Variants in LRPPRC observed in about 807,000 individuals in gnomAD.
The protein encoded by LRPPRC is leucine rich pentatricopeptide repeat containing, also known as leucine-rich PPR motif-containing protein, mitochondrial.
LRPPRC carries 120 observed loss-of-function variants against 180.3 expected under a neutral mutation model. The ratio of observed to expected loss-of-function variants is 0.67; its 90% confidence interval spans 0.57 to 0.77. LRPPRC has a LOEUF of 0.77. Ranked by LOEUF, LRPPRC falls within the 30% of genes least tolerant of loss-of-function variation. The pLI is 0.00. For synonymous variants in LRPPRC, 723 were observed against 600.0 expected, an observed-to-expected ratio of 1.21 and a Z score of -3.00; for missense variants, 2,012 against 1,657.2, an observed-to-expected ratio of 1.21 and a Z score of -3.72.
chr2:43,953,588 C>T (rs1398797536), intron 14 of LRPPRC, among the ~76,000 whole-genome samples: 1 of 151,980 alleles, frequency 6.6e-6, no homozygotes, highest in Admixed American at 6.6e-5. Flanking sequence ...ACCCAGGAAT[C>T]AATTAAAAAT....
At chr2:43,972,414 G>C (rs1572564524) in intron 11 of LRPPRC, among the ~76,000 whole-genome samples, 1 of 152,154 alleles carries the variant, frequency 6.6e-6, no homozygotes, top group Non-Finnish European at 1.5e-5. Context: ...ACTGTGACAT[G>C]GTTGTGGAAA....
At position 43,948,191 on chromosome 2, in the gene LRPPRC, T is replaced by C. The variant is rs141696404; in HGVS notation, c.1851A>G (p.Lys617=). 1.3e-6 allele frequency: 2 copies of C among 1,593,140 alleles called. No homozygotes were observed. The highest frequency in any genetic ancestry group is 1.7e-6 in the Non-Finnish European group (2 of 1,161,172). Reference sequence around the variant, plus strand: ...TGCCTCTGTAGATATTTTCAGGAATTTTTACATTCTGTGAGAAGGGAAGGG... The same window carrying C: ...TGCCTCTGTAGATATTTTCAGGAATCTTTACATTCTGTGAGAAGGGAAGGG... ...YFHQLEKMNV[K]IPENIYRGIR... is the part of the protein sequence containing the mutation. The change falls in exon 18 of 38, where the codon AAA becomes AAG. Residue 617 remains lysine (K), a synonymous_variant. Coordinates refer to ENST00000260665, the MANE Select transcript of LRPPRC (RefSeq NM_133259.4).
Position 43,995,830 on chromosome 2 carries a change from G to A in LRPPRC, c.118C>T (p.Leu40=), listed in dbSNP as rs1675031041. Residue 40 remains leucine, a synonymous_variant, in exon 1 of 38, where the codon CTG becomes TTG. Transcript: ENST00000260665. ...ACGGGCCCGGCGCGAGCGGCGGGCA[G>A]ATAGGAGGCGGCATGCAGCCGGCCC... is the stretch of plus-strand genomic sequence containing the variant. ...GPGRLHAASY[L]PAARAGPVAG... 2.8e-6 allele frequency: 4 copies of A among 1,437,438 alleles called. No homozygotes were observed. Among genetic ancestry groups the A allele is most frequent in the South Asian group, 1.4e-5 (1 of 69,430 alleles). 89.0% of individuals were successfully genotyped at this position (1,437,438 alleles called of 1,614,324 possible). A position where few individuals can be genotyped will look rare whatever the true frequency, so the allele number is the denominator to read the frequency against.
intron 29 of LRPPRC, among the ~76,000 whole-genome samples, chr2:43,916,470 T>A (rs1322910846): frequency 6.6e-6 from 1 of 152,122 alleles, no homozygotes; most frequent in East Asian, 1.9e-4. Flanking sequence ...GAAACAGACC[T>A]CTAACCTTGA....
intron 19 of LRPPRC, 24 bp downstream of exon 19, chr2:43,947,707 G>A (rs369691512): frequency 1.5e-6 from 2 of 1,378,568 alleles, no homozygotes; most frequent in East Asian, 4.6e-5. Flanking sequence ...ATAGCATGTA[G>A]AATCTAGTCA....
chr2:43,987,075 C>T (rs10203033), intron 1 of LRPPRC, among the ~76,000 whole-genome samples: 138,177 of 152,272 alleles, frequency 0.91, 63,377 homozygotes, highest in African/African-American at 0.98. Context: ...TTTCAAATGC[C>T]GAACCAGCCT....
rs756724661 is a variant in LRPPRC at position 43,943,915 on chromosome 2, A to G, written c.2297-21T>C. ...AGCATCTACAATGAAGTAACACAAA[A>G]GACCCTTAGGTAATTTCATGTAGGG... On this transcript the variant is annotated intron_variant, in intron 22 of 37. Coordinates refer to ENST00000260665, the MANE Select transcript of LRPPRC (RefSeq NM_133259.4). 1.5e-5 allele frequency: 23 copies of G among 1,559,296 alleles called. No homozygotes were observed. In the African/African-American group the frequency reaches 3.0e-4, roughly 20 times the overall value.
intron 1 of LRPPRC, among the ~76,000 whole-genome samples, chr2:43,991,953 T>A (rs908155022): frequency 6.6e-6 from 1 of 152,226 alleles, no homozygotes; most frequent in Non-Finnish European, 1.5e-5. Context: ...AAGATTTTCA[T>A]TGATTCACTC....
At chr2:43,911,398 G>C (rs987212821) in intron 30 of LRPPRC, among the ~76,000 whole-genome samples, 1 of 151,926 alleles carries the variant, frequency 6.6e-6, no homozygotes, top group African/African-American at 2.4e-5. Context: ...GACACTGCCA[G>C]GTTTTCTTGT....
chr2:43,952,061 C>T (rs1401480982), intron 14 of LRPPRC, among the ~76,000 whole-genome samples: 3 of 152,038 alleles, frequency 2.0e-5, no homozygotes, highest in African/African-American at 7.2e-5. Flanking sequence ...GGCGTGGTGG[C>T]GCATGCCAGT....
intron 25 of LRPPRC, among the ~76,000 whole-genome samples, chr2:43,928,936 T>C (rs560033236): frequency 6.6e-6 from 1 of 152,294 alleles, no homozygotes; most frequent in South Asian, 2.1e-4. Flanking sequence ...CTGGAAGTCT[T>C]AGCAATAGCA....
In LRPPRC at chr2:43,976,934, AC is replaced by A. The variant is rs1419983531; in HGVS notation, c.650+59del. ...AAGCTTTAAAACAAAGAGTGAACAG[AC>A]ATTAGATTTACAAAATGTACAAATT... On this transcript the variant is annotated intron_variant, in intron 5 of 37. Transcript: ENST00000260665. The A allele has an allele frequency of 2.2e-6, 3 of 1,346,396 alleles. No individual in the cohort carries two copies. The Admixed American group carries it at 5.1e-5, about 23-fold the overall frequency. The allele number at this position is 1,346,396 out of a possible 1,614,324, so 83.4% of individuals were successfully genotyped here. A position where few individuals can be genotyped will look rare whatever the true frequency, so the allele number is the denominator to read the frequency against.
Position 43,963,579 on chromosome 2 carries a change from T to TG in LRPPRC, c.1488+8dup. The TG allele has an allele frequency of 6.8e-7, 1 of 1,469,574 alleles. No homozygotes were observed. 91.0% of individuals were successfully genotyped at this position (1,469,574 alleles called of 1,614,324 possible). On this transcript the variant is annotated intron_variant, in intron 12 of 37. Transcript: ENST00000260665. ...TCAATTATTAAATTAAAACCACACTTGTACTCACCTGCAAAATGGCTCGTG... is the reference window on the plus strand; with the variant it reads ...TCAATTATTAAATTAAAACCACACTTGGTACTCACCTGCAAAATGGCTCGTG...
intron 29 of LRPPRC, among the ~76,000 whole-genome samples, chr2:43,915,992 T>G (rs1671453487): frequency 6.6e-6 from 1 of 152,120 alleles, no homozygotes; most frequent in Non-Finnish European, 1.5e-5. Flanking sequence ...CTCAAACTCC[T>G]GGACTCAAGT....
rs1671768494 is a variant in LRPPRC at position 43,923,460 on chromosome 2, C to CT, written c.2896+1606dup. 2.6e-5 allele frequency among the ~76,000 whole-genome samples: 4 copies of CT among 152,338 alleles called. No individual in the cohort carries two copies. In the South Asian group the frequency reaches 8.3e-4, roughly 32 times the overall value. On this transcript the variant is annotated intron_variant, in intron 27 of 37. Coordinates refer to ENST00000260665, the MANE Select transcript of LRPPRC (RefSeq NM_133259.4). ...TGAGCTCTGATCGCACCACTGTACT[C>CT]TAGCCTGGGTGACCCTGTCTCAAAA... is the stretch of plus-strand genomic sequence containing the variant.
rs138133335 is a variant in LRPPRC, at chr2:43,908,442, A to C, written c.3276-2662T>G. Among the ~76,000 whole-genome samples the C allele has an allele frequency of 1.1e-3, 172 of 152,336 alleles. 2 individuals are homozygous for C. The highest frequency in any genetic ancestry group is 4.9e-4 in the Non-Finnish European group (33 of 68,028). The stretch of plus-strand genomic sequence containing the variant: ...AATGACTTTGTAAATAAAATTGAAG[A>C]AATCTTATTAGAGGTCAAGTGTATC... On this transcript the variant is annotated intron_variant, in intron 30 of 37. Coordinates refer to ENST00000260665, the MANE Select transcript of LRPPRC (RefSeq NM_133259.4).
At chr2:43,922,256 T>C (rs1221096918) in intron 27 of LRPPRC, among the ~76,000 whole-genome samples, 2 of 152,238 alleles carry the variant, frequency 1.3e-5, no homozygotes, top group Non-Finnish European at 2.9e-5. Flanking sequence ...AGTATTTAAA[T>C]GTATGTAAGA....
intron 14 of LRPPRC, among the ~76,000 whole-genome samples, chr2:43,955,386 T>C (rs1673066335): frequency 6.6e-6 from 1 of 150,888 alleles, no homozygotes; most frequent in South Asian, 2.1e-4. Flanking sequence ...GGAGGATTAC[T>C]TGAGCTCAGA....
At chr2:43,946,079 T>A in intron 21 of LRPPRC, 34 bp downstream of exon 21, 1 of 1,605,054 alleles carries the variant, frequency 6.2e-7, no homozygotes, top group Non-Finnish European at 8.5e-7. Context: ...GCAGAATAAA[T>A]GTTGACAACT....
Sources: allele counts gnomAD v4.1 joint callset (sites outside exome capture counted in the v4.1 genomes callset), GRCh38; gene constraint gnomAD v4.1.1; transcripts MANE v1.5; gene names NCBI Gene and HGNC (gene_info 2026-07-23, HGNC 2026-07-21).